AMOT: variants seen among roughly 807,000 people sequenced by gnomAD.
The protein encoded by AMOT is angiomotin.
In AMOT, 11 loss-of-function variants were observed where a neutral mutation model predicts 67.0. That is an observed-to-expected ratio of 0.16 (90% CI 0.10 to 0.27). The LOEUF (loss-of-function observed/expected upper bound fraction) is 0.27, where lower values mean the gene tolerates loss of function less well. AMOT is among the 10% of genes least tolerant of loss of function. The pLI is 1.00. For missense variants in AMOT, 753 were observed against 852.0 expected (o/e 0.88, Z 1.45); for synonymous variants, 326 against 321.4 (o/e 1.01, Z -0.15).
chrX:112,798,792 G>A (rs1345880261), intron 8 of AMOT, among the ~76,000 whole-genome samples: 1 of 111,884 alleles, frequency 8.9e-6, no homozygotes, highest in Admixed American at 9.5e-5. Flanking sequence ...ACAGTGGGAA[G>A]GCAATCTATT....
At chrX:112,806,376 T>TATATATACTTGC (rs1556215123) in intron 7 of AMOT, among the ~76,000 whole-genome samples, 39 of 104,873 alleles carry the variant, frequency 3.7e-4, no homozygotes, top group Admixed American at 2.0e-3. Flanking sequence ...TATATATATA[T>TATATATACTTGC]ATATATACTT....
chrX:112,814,665 T>TAG (rs2147813684), intron 5 of AMOT, among the ~76,000 whole-genome samples: 1 of 112,214 alleles, frequency 8.9e-6, no homozygotes, highest in South Asian at 3.8e-4. Context: ...GAATGTGAAC[T>TAG]GGAGATACAC....
In AMOT at chrX:112,815,638, T is replaced by A. The variant is rs776111928; in HGVS notation, c.1112A>T (p.Gln371Leu). 35 of 1,193,949 alleles carry A rather than the reference T, an allele frequency of 2.9e-5. No homozygotes were observed. Among genetic ancestry groups the A allele is most frequent in the Non-Finnish European group, 3.8e-5 (34 of 887,537 alleles). The change falls in exon 5 of 14, where the codon CAA becomes CTA. Residue 371 changes from glutamine to leucine, a missense_variant. Around this residue, in one of 5 missense-constraint regions of AMOT, gnomAD observed 297 missense variants for 284.3 expected, o/e 1.04. Coordinates refer to ENST00000371959, the MANE Select transcript of AMOT (RefSeq NM_001113490.2). ...AHQGDHYRLS[Q>L]PGLSQQQQQQ... ...CTGCTGCTGCTGACTCAGGCCAGGT[T>A]GGGAGAGACGGTAATGATCCCCCTG...
At chrX:112,831,445 CAATAAATA>C (rs35986965) in intron 2 of AMOT, among the ~76,000 whole-genome samples, 2,225 of 94,563 alleles carry the variant, frequency 0.024, 65 homozygotes, top group African/African-American at 0.072. Context: ...CCTAGGGTGG[CAATAAATA>C]AATAAATAAA....
chrX:112,823,138 G>A lies in AMOT; in HGVS notation c.-12C>T. ...TCAGAATTTCTCATCTCTATTGCTG[G>A]TGGTGCCTTGTGAAGAGAGAGAGAA... On this transcript the variant is annotated 5_prime_UTR_variant, in exon 4 of 14. Coordinates refer to ENST00000371959, the MANE Select transcript of AMOT (RefSeq NM_001113490.2). 8.7e-7 allele frequency: 1 copy of A among 1,142,874 alleles called. No homozygotes were observed. The allele number at this position is 1,142,874 out of a possible 1,213,427, so 94.2% of individuals were successfully genotyped here.
chrX:112,785,844 G>A lies in AMOT; in HGVS notation c.2118-3182C>T, dbSNP rs1010690124. Among the ~76,000 whole-genome samples, 7 of 112,319 alleles carry A rather than the reference G, an allele frequency of 6.2e-5. No homozygotes were observed. The South Asian group carries it at 2.6e-3, about 41-fold the overall frequency. On this transcript the variant is annotated intron_variant, in intron 10 of 13. Coordinates refer to ENST00000371959, the MANE Select transcript of AMOT (RefSeq NM_001113490.2). ...ATTTGGAGACAATATCAATGTGGGA[G>A]TTAGGGAGATGGAAGAATGAATAAC...
rs757513963 is a variant in AMOT at position 112,795,195 on chromosome X, C to A, written c.1777-3214G>T. On this transcript the variant is annotated intron_variant, in intron 8 of 13. Coordinates refer to ENST00000371959, the MANE Select transcript of AMOT (RefSeq NM_001113490.2). Reference sequence around the variant, plus strand: ...TAAAGACCCCTAGGCAAAACAAATTCTCTTTCTCTCTCTTTCATTCTCTCT... The same window carrying A: ...TAAAGACCCCTAGGCAAAACAAATTATCTTTCTCTCTCTTTCATTCTCTCT... Among the ~76,000 whole-genome samples, 3 of 110,747 alleles carry A rather than the reference C, an allele frequency of 2.7e-5. No homozygotes were observed. The South Asian group carries it at 1.2e-3, about 44-fold the overall frequency.
intron 1 of AMOT, among the ~76,000 whole-genome samples, chrX:112,835,737 C>T (rs565986616): frequency 9.0e-6 from 1 of 111,324 alleles, no homozygotes. Context: ...GCATGCGCCA[C>T]CATACCCAGG....
intron 7 of AMOT, among the ~76,000 whole-genome samples, chrX:112,808,543 A>G (rs980619275): frequency 8.9e-6 from 1 of 111,737 alleles, no homozygotes; most frequent in African/African-American, 3.3e-5. Flanking sequence ...TAGTTGATGA[A>G]CTTCACTTTT....
At chrX:112,799,453 C>T (rs1933940808) in intron 8 of AMOT, among the ~76,000 whole-genome samples, 1 of 111,942 alleles carries the variant, frequency 8.9e-6, no homozygotes, top group African/African-American at 3.3e-5. Flanking sequence ...TCCTCTTCCC[C>T]TGTATTGTCC....
At chrX:112,824,822 ACTACCAAATT>A (rs201391132) in intron 3 of AMOT, among the ~76,000 whole-genome samples, 1,552 of 111,592 alleles carry the variant, frequency 0.014, 21 homozygotes, top group African/African-American at 0.048. Context: ...TAGAGAGATG[ACTACCAAATT>A]ACTTTTCCCT....
In AMOT at chrX:112,790,507, T is replaced by C. The variant is rs994719995; in HGVS notation, c.2117+85A>G. 9 of 1,020,921 alleles carry C rather than the reference T, an allele frequency of 8.8e-6. No homozygotes were observed. The African/African-American group carries it at 1.5e-4, about 18-fold the overall frequency. The allele number at this position is 1,020,921 out of a possible 1,213,427, so 84.1% of individuals were successfully genotyped here. A position where few individuals can be genotyped will look rare whatever the true frequency, so the allele number is the denominator to read the frequency against. Reference sequence around the variant, plus strand: ...GAAATTGGGGGGGAAACCCAGAATATTAAAGAAAATAAAACACTGGAAAAA... The same window carrying C: ...GAAATTGGGGGGGAAACCCAGAATACTAAAGAAAATAAAACACTGGAAAAA... On this transcript the variant is annotated intron_variant, in intron 10 of 13. Coordinates refer to ENST00000371959, the MANE Select transcript of AMOT (RefSeq NM_001113490.2).
chrX:112,805,199 T>G (rs756174024), intron 7 of AMOT, 107 bp from the exon 8 acceptor site: 47 of 946,686 alleles, frequency 5.0e-5, no homozygotes, highest in Non-Finnish European at 6.5e-5. Context: ...ACTGCTCTAG[T>G]GCACAGCTGA....
intron 10 of AMOT, among the ~76,000 whole-genome samples, chrX:112,789,626 T>C (rs1400227845): frequency 2.7e-5 from 3 of 111,054 alleles, no homozygotes; most frequent in African/African-American, 9.8e-5. Context: ...CCACTCCACA[T>C]ACATATCCCA....
At chrX:112,778,756 A>G (rs749171342) in intron 13 of AMOT, 92 bp from the exon 14 acceptor site, 10 of 864,865 alleles carry the variant, frequency 1.2e-5, no homozygotes, top group Admixed American at 5.6e-5. Flanking sequence ...CATGAAGCCA[A>G]TGGCAAAGTG....
intron 8 of AMOT, among the ~76,000 whole-genome samples, chrX:112,802,531 G>T (rs765330933): frequency 2.7e-5 from 3 of 112,175 alleles, no homozygotes; most frequent in Non-Finnish European, 5.6e-5. Context: ...CTGAGATTCC[G>T]CTGGGTAGAG....
At chrX:112,807,538 C>T (rs1272266318) in intron 7 of AMOT, among the ~76,000 whole-genome samples, 1 of 108,340 alleles carries the variant, frequency 9.2e-6, no homozygotes, top group East Asian at 2.9e-4. Flanking sequence ...CATATGCTAA[C>T]GGCTCTAATA....
intron 9 of AMOT, 83 bp from the exon 10 acceptor site, chrX:112,790,865 T>C: frequency 2.2e-6 from 2 of 904,743 alleles, no homozygotes; most frequent in East Asian, 3.5e-5. Context: ...AGAGGATTAC[T>C]GCCCAGCCTA....
chrX:112,822,664 C>T lies in AMOT; in HGVS notation c.463G>A (p.Gly155Arg). The change falls in exon 4 of 14, where the codon GGA becomes AGA. Residue 155 changes from glycine (G) to arginine (R), a missense_variant. Physicochemically the swap from Gly to Arg is moderately radical, Grantham distance 125 (BLOSUM62 -2). This residue lies in a region of AMOT where 118 missense variants were observed against 125.9 expected (regional missense o/e 0.94). Transcript: ENST00000371959. ...AGTCCCTCATCTTGGTGCATCTTTCCAGGATTGAGCCGCTGAACTGATGGG... is the reference window on the plus strand; with the variant it reads ...AGTCCCTCATCTTGGTGCATCTTTCTAGGATTGAGCCGCTGAACTGATGGG... ...GRPSVQRLNP[G>R]KMHQDEGLRD... 1 of 1,166,626 alleles carries T rather than the reference C, an allele frequency of 8.6e-7. No homozygotes were observed. The highest frequency in any genetic ancestry group is 1.8e-5 in the African/African-American group (1 of 56,090).
Sources: gnomAD v4.1 joint callset for allele counts (sites outside exome capture counted in the v4.1 genomes callset) on GRCh38, gnomAD v4.1.1 for gene constraint, gnomAD v4.1.1 regional missense constraint, MANE v1.5 for transcripts, NCBI Gene and HGNC (gene_info 2026-07-23, HGNC 2026-07-21) for gene names.